The following UBE2D3 variants were observed in gnomAD, a reference collection of about 807,000 sequenced individuals.
The protein encoded by UBE2D3 is ubiquitin conjugating enzyme E2 D3, also known as ubiquitin-conjugating enzyme E2 D3.
Under a neutral mutation model 22.8 loss-of-function variants are expected in UBE2D3, and 2 were observed. That is an observed-to-expected ratio of 0.09 (90% CI 0.04 to 0.28). The LOEUF (loss-of-function observed/expected upper bound fraction) is 0.28, where lower values mean the gene tolerates loss of function less well. UBE2D3 is among the 10% of genes least tolerant of loss of function. The probability of loss-of-function intolerance (pLI) is 1.00; values close to 1 mark genes in which losing one functional copy is unlikely to be tolerated. For synonymous variants in UBE2D3, 56 were observed against 60.4 expected (o/e 0.93, Z 0.34); for missense variants, 27 against 182.5 (o/e 0.15, Z 4.91).
At chr4:102,842,775 A>G (rs951891432) in intron 1 of UBE2D3, among the ~76,000 whole-genome samples, 14 of 152,172 alleles carry the variant, frequency 9.2e-5, no homozygotes, top group African/African-American at 2.4e-4. Context: ...ACATAGTACA[A>G]TTGGGTAAGC....
At chr4:102,860,940 G>A (rs755705960) in intron 1 of UBE2D3, among the ~76,000 whole-genome samples, 3 of 151,922 alleles carry the variant, frequency 2.0e-5, no homozygotes, top group Non-Finnish European at 4.4e-5. Context: ...CCAGTTAGGA[G>A]ACTCCACATC....
Position 102,826,341 on chromosome 4 carries a change from A to T in UBE2D3, c.24+144T>A, listed in dbSNP as rs1000800206. The T allele has an allele frequency of 2.9e-6, 3 of 1,051,132 alleles. No individual in the cohort carries two copies. In the East Asian group the frequency reaches 7.1e-5, roughly 25 times the overall value. 65.1% of individuals were successfully genotyped at this position (1,051,132 alleles called of 1,614,324 possible). ...TTTAAACTTCATTTCTTCAAGAAGTATATCTGCGTTCTCCATCCCCCCATG... is the reference window on the plus strand; with the variant it reads ...TTTAAACTTCATTTCTTCAAGAAGTTTATCTGCGTTCTCCATCCCCCCATG... On this transcript the variant is annotated intron_variant, in intron 2 of 7. Coordinates refer to ENST00000453744, the MANE Select transcript of UBE2D3 (RefSeq NM_181891.3).
chr4:102,844,786 C>A (rs556872386), intron 1 of UBE2D3, among the ~76,000 whole-genome samples: 5 of 151,790 alleles, frequency 3.3e-5, no homozygotes, highest in African/African-American at 1.2e-4. Context: ...TTTGGGAGGC[C>A]GAGGTGGGTG....
At chr4:102,801,387 A>G (rs1726134313) in intron 6 of UBE2D3, 67 bp downstream of exon 6, 7 of 1,351,004 alleles carry the variant, frequency 5.2e-6, no homozygotes, top group Non-Finnish European at 7.2e-6. Context: ...AAATACTCAG[A>G]TAAGTAGATC....
At chr4:102,858,835 C>G (rs953155846) in intron 1 of UBE2D3, among the ~76,000 whole-genome samples, 2 of 151,862 alleles carry the variant, frequency 1.3e-5, no homozygotes, top group African/African-American at 4.8e-5. Context: ...ACATTGTTAT[C>G]GATGTCAAAA....
At chr4:102,841,667 A>G (rs1214651665) in intron 1 of UBE2D3, among the ~76,000 whole-genome samples, 1 of 152,216 alleles carries the variant, frequency 6.6e-6, no homozygotes, top group Non-Finnish European at 1.5e-5. Flanking sequence ...TCATCACTCA[A>G]GTATTTATTG....
chr4:102,867,006 G>A (rs888757071), intron 1 of UBE2D3, among the ~76,000 whole-genome samples: 1 of 152,120 alleles, frequency 6.6e-6, no homozygotes, highest in Non-Finnish European at 1.5e-5. Context: ...TCTCTCTAAA[G>A]GAAATCCCAT....
chr4:102,812,613 GCA>G (rs927999596), intron 2 of UBE2D3: 25 of 152,174 alleles, frequency 1.6e-4, no homozygotes, highest in Admixed American at 1.6e-3. Flanking sequence ...AACAATGTAT[GCA>G]CCAACAGTAC....
intron 2 of UBE2D3, among the ~76,000 whole-genome samples, chr4:102,818,226 G>T (rs187109252): frequency 6.6e-6 from 1 of 152,258 alleles, no homozygotes; most frequent in African/African-American, 2.4e-5. Flanking sequence ...TACAATCAGG[G>T]TACAACACTA....
At chr4:102,865,728 A>G (rs1417772095) in intron 1 of UBE2D3, among the ~76,000 whole-genome samples, 1 of 152,208 alleles carries the variant, frequency 6.6e-6, no homozygotes, top group African/African-American at 2.4e-5. Context: ...GATTTGGGCT[A>G]TATCTTAACG....
rs376655684 is a variant in UBE2D3 at position 102,844,761 on chromosome 4, C to G, written c.-128-18125G>C. ...GCCTGGGCCGGGCGGTGGGTCACGC[C>G]TGTAATCTCAGCACTTTGGGAGGCC... On this transcript the variant is annotated intron_variant, in intron 1 of 7. Coordinates refer to the UBE2D3 transcript ENST00000338145. Among the ~76,000 whole-genome samples, 150 of 151,952 alleles carry G rather than the reference C, an allele frequency of 9.9e-4. 1 individual carries two copies. Among genetic ancestry groups the G allele is most frequent in the African/African-American group, 3.5e-3 (146 of 41,418 alleles).
intron 1 of UBE2D3, among the ~76,000 whole-genome samples, chr4:102,867,997 C>G (rs575344315): frequency 1.3e-5 from 2 of 151,798 alleles, no homozygotes; most frequent in South Asian, 4.2e-4. Flanking sequence ...CCTAGGGAAG[C>G]CATAAGGACC....
intron 1 of UBE2D3, among the ~76,000 whole-genome samples, chr4:102,865,656 G>T (rs1207711471): frequency 6.6e-6 from 1 of 152,178 alleles, no homozygotes; most frequent in Non-Finnish European, 1.5e-5. Context: ...CAGACTAGTA[G>T]GCATTTGGAA....
At chr4:102,833,239 T>C (rs1268352938) in intron 1 of UBE2D3, among the ~76,000 whole-genome samples, 1 of 152,116 alleles carries the variant, frequency 6.6e-6, no homozygotes, top group African/African-American at 2.4e-5. Context: ...ATGTCTGTAC[T>C]AACTGCTGTG....
chr4:102,809,031 A>AT (rs1252468004), intron 4 of UBE2D3: 1 of 167,318 alleles, frequency 6.0e-6, no homozygotes, highest in Non-Finnish European at 1.3e-5. Context: ...TTAAAAAAAA[A>AT]AAAAAAGTTA....
In UBE2D3 at chr4:102,797,352, A is replaced by T; in HGVS notation, c.*63T>A. The T allele has an allele frequency of 7.1e-7, 1 of 1,415,428 alleles. No homozygotes were observed. The highest frequency in any genetic ancestry group is 2.3e-4 in the Middle Eastern group (1 of 4,346). 87.7% of individuals were successfully genotyped at this position (1,415,428 alleles called of 1,614,324 possible). The stretch of plus-strand genomic sequence containing the variant: ...GAGCAGCCGGATAAGAAAATCAAAA[A>T]AGGAACAGTAATTTAAAGTTTATTC... On this transcript the variant is annotated 3_prime_UTR_variant, in exon 8 of 8. Coordinates refer to ENST00000453744, the MANE Select transcript of UBE2D3 (RefSeq NM_181891.3).
At chr4:102,821,197 A>G (rs76008944) in intron 2 of UBE2D3, among the ~76,000 whole-genome samples, 3 of 152,178 alleles carry the variant, frequency 2.0e-5, no homozygotes, top group Non-Finnish European at 4.4e-5. Context: ...GTTTTATTTC[A>G]TTAATTTCAA....
chr4:102,868,668 A>T, intron 1 of UBE2D3: 1 of 1,613,576 alleles, frequency 6.2e-7, no homozygotes, highest in Non-Finnish European at 8.5e-7. Flanking sequence ...ACTGTAGGGG[A>T]AGAGGCGGGG....
rs181794938 is a variant in UBE2D3, at chr4:102,813,974, A to G, written c.25-4119T>C. On this transcript the variant is annotated intron_variant, in intron 2 of 7. Transcript: ENST00000453744. ...TGCCAATTCACTTTGGAAACTCATC[A>G]CAACTACTTACAAGGTTGCCAGAGA... 5.2e-3 allele frequency among the ~76,000 whole-genome samples: 792 copies of G among 152,316 alleles called. 3 individuals carry two copies. Among genetic ancestry groups the G allele is most frequent in the Non-Finnish European group, 8.7e-3 (594 of 68,028 alleles).
Sources: gnomAD v4.1 joint callset for allele counts (sites outside exome capture counted in the v4.1 genomes callset) on GRCh38, gnomAD v4.1.1 for gene constraint, MANE v1.5 for transcripts, NCBI Gene and HGNC (gene_info 2026-07-23, HGNC 2026-07-21) for gene names.